The following SOX5 variants were observed in gnomAD, a reference collection of about 807,000 sequenced individuals.
SOX5 encodes the protein transcription factor SOX-5.
In SOX5, 9 loss-of-function variants were observed where a neutral mutation model predicts 92.0. The ratio of observed to expected loss-of-function variants is 0.10; its 90% CI spans 0.06 to 0.17. The LOEUF (loss-of-function observed/expected upper bound fraction) is 0.17, where lower values mean the gene tolerates loss of function less well. SOX5 is among the 10% of genes least tolerant of loss of function. The pLI is 1.00. For synonymous variants in SOX5, 344 were observed against 336.3 expected (o/e 1.02, Z -0.25); for missense variants, 642 against 944.5 (o/e 0.68, Z 4.20).
intron 6 of SOX5, among the ~76,000 whole-genome samples, chr12:23,724,480 G>T (rs563301669): frequency 1.3e-5 from 2 of 152,034 alleles, no homozygotes; most frequent in Admixed American, 6.6e-5. Flanking sequence ...ATAATATCAA[G>T]TCAAAAATTT....
chr12:23,718,501 C>T (rs1180336878), intron 6 of SOX5, among the ~76,000 whole-genome samples: 1 of 152,152 alleles, frequency 6.6e-6, no homozygotes, highest in Admixed American at 6.5e-5. Flanking sequence ...AGTAGGTTAA[C>T]CTAAGTTGAA....
rs145713000 is a variant in SOX5 at position 23,604,483 on chromosome 12, C to T, written c.1068G>A (p.Lys356=). ...LAAMQVSPGG[K]LPGIPQGNLG... ...GGTTGCCTTGGGGTATGCCTGGCAG[C>T]TTCCCTCCTGGAGATACCTGCATTG... The change falls in exon 9 of 15, where the codon AAG becomes AAA. Residue 356 remains lysine, a synonymous_variant. Transcript: ENST00000451604. 4.3e-6 allele frequency: 7 copies of T among 1,613,710 alleles called. No individual in the cohort carries two copies. Among genetic ancestry groups the T allele is most frequent in the African/African-American group, 1.3e-5 (1 of 74,898 alleles).
intron 3 of SOX5, among the ~76,000 whole-genome samples, chr12:24,270,061 A>C (rs1257074146): frequency 2.0e-5 from 3 of 148,858 alleles, no homozygotes; most frequent in Non-Finnish European, 3.0e-5. Flanking sequence ...CTAATGTGGG[A>C]AACTCTTTTT....
chr12:24,267,615 A>G (rs1017222065), intron 3 of SOX5, among the ~76,000 whole-genome samples: 3 of 152,170 alleles, frequency 2.0e-5, no homozygotes, highest in Non-Finnish European at 4.4e-5. Context: ...GTACTATGAA[A>G]ACAGTTTGGG....
intron 3 of SOX5, among the ~76,000 whole-genome samples, chr12:24,263,607 T>A (rs1942579277): frequency 6.7e-6 from 1 of 149,952 alleles, no homozygotes; most frequent in Non-Finnish European, 1.5e-5. Context: ...ATATTAATAA[T>A]CTTTGTTTCT....
chr12:24,364,922 C>A (rs559443283), intron 2 of SOX5, among the ~76,000 whole-genome samples: 2 of 152,028 alleles, frequency 1.3e-5, no homozygotes, highest in South Asian at 2.1e-4. Flanking sequence ...ACATGTTAAT[C>A]TTCATAATCA....
intron 2 of SOX5, among the ~76,000 whole-genome samples, chr12:24,367,494 T>A (rs1450107845): frequency 6.6e-6 from 1 of 152,194 alleles, no homozygotes; most frequent in Non-Finnish European, 1.5e-5. Context: ...CAACTCATAT[T>A]TATAACTCTG....
chr12:24,557,352 A>T lies in SOX5; in HGVS notation c.-251+4977T>A, dbSNP rs539146896. On this transcript the variant is annotated intron_variant, in intron 1 of 4. Transcript: ENST00000446891. ...TCAACATCCCTCCGCCTGTGGACCA[A>T]CATAGCGCCACTGCACTCCAGCCTG... is the stretch of plus-strand genomic sequence containing the variant. Among the ~76,000 whole-genome samples, 441 of 150,474 alleles carry T rather than the reference A, an allele frequency of 2.9e-3. 4 individuals are homozygous for T. Among genetic ancestry groups the T allele is most frequent in the Non-Finnish European group, 5.4e-3 (367 of 67,602 alleles).
chr12:24,369,697 A>G (rs1956529856), intron 1 of SOX5, among the ~76,000 whole-genome samples: 1 of 152,250 alleles, frequency 6.6e-6, no homozygotes, highest in South Asian at 2.1e-4. Flanking sequence ...TCTTTCAAGC[A>G]AATTGCTGAA....
intron 6 of SOX5, among the ~76,000 whole-genome samples, chr12:23,688,909 T>G (rs978422003): frequency 6.6e-6 from 1 of 152,118 alleles, no homozygotes; most frequent in African/African-American, 2.4e-5. Context: ...ACCAAATAGA[T>G]GAGAGTATAT....
At chr12:24,223,874 C>G (rs977510033) in intron 3 of SOX5, among the ~76,000 whole-genome samples, 10 of 152,186 alleles carry the variant, frequency 6.6e-5, no homozygotes, top group Admixed American at 2.0e-4. Context: ...CTGACTCGAC[C>G]TATTGTTAGA....
chr12:23,636,610 A>T (rs555284812), intron 8 of SOX5, among the ~76,000 whole-genome samples: 4 of 152,232 alleles, frequency 2.6e-5, no homozygotes, highest in Non-Finnish European at 5.9e-5. Context: ...GGTGTTCAAA[A>T]AGAAGTACCT....
intron 1 of SOX5, among the ~76,000 whole-genome samples, chr12:24,431,782 T>G (rs1178612172): frequency 6.6e-6 from 1 of 152,146 alleles, no homozygotes; most frequent in Non-Finnish European, 1.5e-5. Context: ...TGCAAGTATT[T>G]TATGCAAGCT....
rs1023911305 is a variant in SOX5, at chr12:23,637,087, T to C, written c.1017+3725A>G. On this transcript the variant is annotated intron_variant, in intron 8 of 14. Transcript: ENST00000451604. ...CACTTTACATGAGTTAAAATCATTA[T>C]GTTTGCACCCAAGGAAAAGAAAACA... is the stretch of plus-strand genomic sequence containing the variant. Among the ~76,000 whole-genome samples, 28 of 152,334 alleles carry C rather than the reference T, an allele frequency of 1.8e-4. 1 individual carries two copies. Among genetic ancestry groups the C allele is most frequent in the African/African-American group, 6.7e-4 (28 of 41,578 alleles).
At chr12:24,283,357 C>T (rs956280051) in intron 2 of SOX5, among the ~76,000 whole-genome samples, 1 of 152,202 alleles carries the variant, frequency 6.6e-6, no homozygotes, top group Non-Finnish European at 1.5e-5. Context: ...AACTTCTTTA[C>T]AGAAGGTCAC....
At chr12:23,552,883 T>C (rs1182289195) in intron 11 of SOX5, among the ~76,000 whole-genome samples, 1 of 152,004 alleles carries the variant, frequency 6.6e-6, no homozygotes, top group East Asian at 1.9e-4. Flanking sequence ...AATTCTATGA[T>C]TTTATGTCCT....
intron 2 of SOX5, among the ~76,000 whole-genome samples, chr12:24,312,303 T>C (rs115297274): frequency 1.9e-3 from 282 of 152,304 alleles, no homozygotes; most frequent in African/African-American, 5.8e-3. Context: ...ATAATATTTG[T>C]AGTAAAGTTC....
At chr12:23,809,100 G>A (rs2095831642) in intron 3 of SOX5, among the ~76,000 whole-genome samples, 1 of 152,038 alleles carries the variant, frequency 6.6e-6, no homozygotes. Flanking sequence ...GTGTGTATGG[G>A]AGACATCCTT....
At chr12:24,347,497 CAA>C (rs534663024) in intron 2 of SOX5, among the ~76,000 whole-genome samples, 2 of 150,906 alleles carry the variant, frequency 1.3e-5, no homozygotes, top group Non-Finnish European at 3.0e-5. Flanking sequence ...AATTTTCAAG[CAA>C]AAAAAATTCT....
Sources: gnomAD v4.1 joint callset for allele counts (sites outside exome capture counted in the v4.1 genomes callset) on GRCh38, gnomAD v4.1.1 for gene constraint, MANE v1.5 for transcripts, NCBI Gene and HGNC (gene_info 2026-07-23, HGNC 2026-07-21) for gene names.